The following DCLK1 variants were observed in gnomAD, a reference collection of about 807,000 sequenced individuals.
DCLK1 encodes serine/threonine-protein kinase DCLK1.
In DCLK1, 16 loss-of-function variants were observed where a neutral mutation model predicts 86.2. The observed-to-expected ratio is 0.19, with a 90% CI of 0.13 to 0.28. The LOEUF (loss-of-function observed/expected upper bound fraction) is 0.28. Among genes scored for constraint, DCLK1 ranks in the 10% least tolerant of loss-of-function variants. The pLI is 1.00. For synonymous variants in DCLK1, 369 were observed against 370.5 expected (o/e 1.00, Z 0.05); for missense variants, 590 against 940.2 (o/e 0.63, Z 4.87).
chr13:36,028,671 G>A (rs1298545267), intron 3 of DCLK1, among the ~76,000 whole-genome samples: 17 of 152,194 alleles, frequency 1.1e-4, no homozygotes, highest in Admixed American at 1.1e-3. Context: ...CCCAGTCACA[G>A]AATGAGACAG....
intron 8 of DCLK1, among the ~76,000 whole-genome samples, chr13:35,830,466 T>C (rs1450763317): frequency 1.3e-5 from 2 of 152,190 alleles, no homozygotes; most frequent in South Asian, 2.1e-4. Context: ...AGAAGCTCTA[T>C]ATCCTATAAG....
chr13:35,935,592 G>C (rs1383475750), intron 4 of DCLK1, among the ~76,000 whole-genome samples: 4 of 152,164 alleles, frequency 2.6e-5, no homozygotes, highest in Admixed American at 2.6e-4. Context: ...CCAGGTAGAT[G>C]ATGAGTTCAG....
chr13:36,050,078 G>A (rs1883069594), intron 3 of DCLK1, among the ~76,000 whole-genome samples: 1 of 152,158 alleles, frequency 6.6e-6, no homozygotes, highest in Admixed American at 6.6e-5. Context: ...GCTCAAGTGA[G>A]CTGGTACACG....
intron 3 of DCLK1, among the ~76,000 whole-genome samples, chr13:36,103,259 G>A (rs1885281141): frequency 6.6e-6 from 1 of 151,970 alleles, no homozygotes; most frequent in Non-Finnish European, 1.5e-5. Context: ...AAATTAGCTG[G>A]GTGTGGTGGC....
chr13:35,974,419 G>A (rs913613779), intron 3 of DCLK1, among the ~76,000 whole-genome samples: 5 of 152,204 alleles, frequency 3.3e-5, no homozygotes, highest in Admixed American at 3.3e-4. Context: ...GCAAGCCTAG[G>A]AGAGAGGCTG....
chr13:36,129,381 G>C (rs956987582), intron 1 of DCLK1, among the ~76,000 whole-genome samples: 1 of 152,180 alleles, frequency 6.6e-6, no homozygotes, highest in African/African-American at 2.4e-5. Flanking sequence ...CTGGATCACA[G>C]GTTCATCCAG....
chr13:35,915,253 C>T (rs1318710863), intron 4 of DCLK1, among the ~76,000 whole-genome samples: 2 of 152,204 alleles, frequency 1.3e-5, no homozygotes, highest in Non-Finnish European at 2.9e-5. Flanking sequence ...TAGGTCAATA[C>T]TATGAACCAT....
Position 36,093,261 on chromosome 13 carries a change from C to T in DCLK1, c.723+18608G>A, listed in dbSNP as rs1199033084. On this transcript the variant is annotated intron_variant, in intron 3 of 16. Coordinates refer to ENST00000360631, the MANE Select transcript of DCLK1 (RefSeq NM_001330071.2). ...CAGATTGGCAAATTATTTAAGAAGT[C>T]GGTAGGAATAAGAAAGTGGGTATAT... Among the ~76,000 whole-genome samples, 4 of 152,234 alleles carry T rather than the reference C, an allele frequency of 2.6e-5. No homozygotes were observed. The East Asian group carries it at 7.7e-4, about 29-fold the overall frequency.
chr13:35,805,758 A>G lies in DCLK1; in HGVS notation c.1885T>C (p.Leu629=), dbSNP rs766199170. ...GAAAATCGCTGATCTACATCGACCA[A>G]CAGCATCATGGTAATGAGCTCCTGT... ...SAKELITMML[L]VDVDQRFSAV... Residue 629 remains leucine (L), a synonymous_variant, in exon 15 of 17, where the codon TTG becomes CTG. Coordinates refer to ENST00000360631, the MANE Select transcript of DCLK1 (RefSeq NM_001330071.2). 6.2e-6 allele frequency: 10 copies of G among 1,613,730 alleles called. No individual in the cohort carries two copies. The highest frequency in any genetic ancestry group is 8.5e-6 in the Non-Finnish European group (10 of 1,179,910).
At chr13:35,982,818 G>C (rs1349340978) in intron 3 of DCLK1, among the ~76,000 whole-genome samples, 1 of 152,106 alleles carries the variant, frequency 6.6e-6, no homozygotes, top group Non-Finnish European at 1.5e-5. Context: ...TTGGAGTGCA[G>C]TGGCATGGTC....
chr13:35,936,311 A>C (rs1180222743), intron 4 of DCLK1, among the ~76,000 whole-genome samples: 1 of 152,268 alleles, frequency 6.6e-6, no homozygotes, highest in Non-Finnish European at 1.5e-5. Flanking sequence ...CAAATGCAAT[A>C]GGATTGAAAA....
intron 3 of DCLK1, among the ~76,000 whole-genome samples, chr13:36,098,066 T>A (rs1220340106): frequency 3.9e-5 from 6 of 152,142 alleles, no homozygotes; most frequent in Non-Finnish European, 7.4e-5. Flanking sequence ...AAAATCGAAA[T>A]TTTAGTTAGT....
chr13:36,065,995 A>G (rs1201935796), intron 3 of DCLK1, among the ~76,000 whole-genome samples: 1 of 152,126 alleles, frequency 6.6e-6, no homozygotes. Context: ...CTTCATACCA[A>G]ATGCTATATT....
chr13:36,108,803 T>C (rs556104618), intron 3 of DCLK1, among the ~76,000 whole-genome samples: 2 of 152,310 alleles, frequency 1.3e-5, no homozygotes, highest in African/African-American at 4.8e-5. Flanking sequence ...GTTAAACTAT[T>C]TTTTAAAAAG....
At chr13:35,918,329 C>G (rs1875558411) in intron 4 of DCLK1, among the ~76,000 whole-genome samples, 1 of 152,142 alleles carries the variant, frequency 6.6e-6, no homozygotes, top group African/African-American at 2.4e-5. Flanking sequence ...ACCCGGCAGA[C>G]AGATCATCTG....
At chr13:36,131,040 G>C (rs1409556771) in intron 1 of DCLK1, 74 bp downstream of exon 1, 2 of 150,038 alleles carry the variant, frequency 1.3e-5, no homozygotes, top group African/African-American at 4.9e-5. Flanking sequence ...GCGGCTGCGG[G>C]CGGAGCGGGC....
In DCLK1 at chr13:35,833,142, C is replaced by G. The variant is rs982587127; in HGVS notation, c.1229+2891G>C. 6.6e-5 allele frequency among the ~76,000 whole-genome samples: 10 copies of G among 152,044 alleles called. No homozygotes were observed. In the East Asian group the frequency reaches 1.5e-3, roughly 24 times the overall value. Reference sequence around the variant, plus strand: ...GGCTTATAGGTGCCGGTGGGAGAGACAGAAGCATCCGCAGCAAGGATTTTA... The same window carrying G: ...GGCTTATAGGTGCCGGTGGGAGAGAGAGAAGCATCCGCAGCAAGGATTTTA... On this transcript the variant is annotated intron_variant, in intron 8 of 16. Coordinates refer to ENST00000360631, the MANE Select transcript of DCLK1 (RefSeq NM_001330071.2).
At chr13:35,968,517 G>A (rs1452324419) in intron 3 of DCLK1, among the ~76,000 whole-genome samples, 1 of 152,122 alleles carries the variant, frequency 6.6e-6, no homozygotes, top group Non-Finnish European at 1.5e-5. Context: ...AATTACTACT[G>A]TCTACAAGTC....
intron 4 of DCLK1, among the ~76,000 whole-genome samples, chr13:35,941,902 G>C (rs1201731483): frequency 6.6e-6 from 1 of 152,064 alleles, no homozygotes; most frequent in African/African-American, 2.4e-5. Flanking sequence ...CTCATACTAA[G>C]CCTGCAGTCA....
Sources: gnomAD v4.1 joint callset for allele counts (sites outside exome capture counted in the v4.1 genomes callset) on GRCh38, gnomAD v4.1.1 for gene constraint, MANE v1.5 for transcripts, NCBI Gene and HGNC (gene_info 2026-07-23, HGNC 2026-07-21) for gene names.